VPS13B: variants seen among roughly 807,000 people sequenced by gnomAD.
VPS13B encodes the protein intermembrane lipid transfer protein VPS13B.
Under a neutral mutation model 426.4 loss-of-function variants are expected in VPS13B, and 285 were observed. That is an observed-to-expected ratio of 0.67 (90% CI 0.61 to 0.74). The LOEUF (loss-of-function observed/expected upper bound fraction) is 0.74, where lower values mean the gene tolerates loss of function less well. Ranked by LOEUF, VPS13B falls within the 30% of genes least tolerant of loss-of-function variation. VPS13B has a pLI of 0.00. For synonymous variants in VPS13B, 1,676 were observed against 1,676.4 expected (o/e 1.00, Z 0.01); for missense variants, 4,537 against 4,782.6 (o/e 0.95, Z 1.51).
intron 31 of VPS13B, among the ~76,000 whole-genome samples, chr8:99,566,168 T>A (rs1275761577): frequency 6.6e-6 from 1 of 152,146 alleles, no homozygotes; most frequent in African/African-American, 2.4e-5. Flanking sequence ...GGTGTAGATA[T>A]AACAGGGCAG....
At chr8:99,651,887 T>A (rs1235567064) in intron 34 of VPS13B, among the ~76,000 whole-genome samples, 2 of 152,268 alleles carry the variant, frequency 1.3e-5, no homozygotes, top group African/African-American at 4.8e-5. Flanking sequence ...TAGTGCAATA[T>A]CTTGTTACCC....
chr8:99,340,997 A>G, intron 19 of VPS13B: 1 of 262,134 alleles, frequency 3.8e-6, no homozygotes, highest in Non-Finnish European at 8.0e-6. Flanking sequence ...TTGAAAGAAA[A>G]CACTTAGCTG....
chr8:99,469,168 CTTTTTTTTT>C (rs35646881), intron 24 of VPS13B, among the ~76,000 whole-genome samples: 4 of 127,786 alleles, frequency 3.1e-5, no homozygotes, highest in African/African-American at 5.8e-5. Flanking sequence ...TCTTTCTTTC[CTTTTTTTTT>C]TTTTTTTTTT....
intron 33 of VPS13B, among the ~76,000 whole-genome samples, chr8:99,606,851 C>G (rs1043711565): frequency 2.0e-5 from 3 of 152,110 alleles, no homozygotes; most frequent in African/African-American, 7.2e-5. Context: ...CTTCCTTCAT[C>G]TTCGATGCCA....
intron 21 of VPS13B, among the ~76,000 whole-genome samples, chr8:99,430,701 C>T (rs1200823780): frequency 7.0e-6 from 1 of 143,608 alleles, no homozygotes; most frequent in Non-Finnish European, 1.5e-5. Context: ...CATCAAAATC[C>T]ACCCCCCCCC....
intron 30 of VPS13B, among the ~76,000 whole-genome samples, chr8:99,544,281 G>C (rs1823820113): frequency 6.6e-6 from 1 of 152,216 alleles, no homozygotes; most frequent in South Asian, 2.1e-4. Flanking sequence ...CTTGGACACA[G>C]GGTGGGGAAC....
intron 43 of VPS13B, among the ~76,000 whole-genome samples, chr8:99,787,435 A>C (rs1490867291): frequency 2.0e-5 from 3 of 152,210 alleles, no homozygotes; most frequent in African/African-American, 7.2e-5. Context: ...GCCTAAACAA[A>C]CAAAGGAAGA....
At position 99,835,542 on chromosome 8, in the gene VPS13B, T is replaced by C. The variant is rs1815346028; in HGVS notation, c.9746T>C (p.Ile3249Thr). The C allele has an allele frequency of 2.5e-6, 4 of 1,614,088 alleles. No homozygotes were observed. The highest frequency in any genetic ancestry group is 2.2e-5 in the East Asian group (1 of 44,882). ...KMLIKENIKDIPKFEVYCKKI... is the reference protein window; with the variant it reads ...KMLIKENIKDTPKFEVYCKKI... The stretch of plus-strand genomic sequence containing the variant: ...TATGCCTTTTTTAAAATTTCAGATA[T>C]TCCAAAGTTTGAGGTTTATTGCAAA... Residue 3249 changes from isoleucine (I) to threonine (T), a missense_variant, in exon 54 of 62, where the codon ATT (isoleucine) becomes ACT (threonine). Coordinates refer to ENST00000357162, the MANE Select transcript of VPS13B (RefSeq NM_152564.5).
intron 8 of VPS13B, among the ~76,000 whole-genome samples, chr8:99,127,419 T>C (rs1285293055): frequency 6.6e-6 from 1 of 152,212 alleles, no homozygotes; most frequent in Non-Finnish European, 1.5e-5. Flanking sequence ...CTCTTGATTT[T>C]TCTTTGCAGT....
intron 16 of VPS13B, among the ~76,000 whole-genome samples, chr8:99,189,471 T>C: frequency 6.6e-6 from 1 of 152,216 alleles, no homozygotes; most frequent in South Asian, 2.1e-4. Context: ...ATAATGATCA[T>C]TCAGAATCAG....
chr8:99,415,266 G>T (rs1282537208), intron 21 of VPS13B, among the ~76,000 whole-genome samples: 21 of 151,542 alleles, frequency 1.4e-4, no homozygotes. Flanking sequence ...TCTCCATCAG[G>T]TCATTTATGT....
intron 17 of VPS13B, among the ~76,000 whole-genome samples, chr8:99,230,685 C>T (rs984816017): frequency 6.6e-6 from 1 of 152,102 alleles, no homozygotes; most frequent in African/African-American, 2.4e-5. Flanking sequence ...GTAGAACTTG[C>T]TTTATAGAGT....
At chr8:99,832,764 C>T in intron 52 of VPS13B, 112 bp downstream of exon 52, 1 of 1,095,046 alleles carries the variant, frequency 9.1e-7, no homozygotes, top group Non-Finnish European at 1.3e-6. Context: ...TAATATTAGG[C>T]TTTATTTTTA....
chr8:99,792,822 T>C (rs1812617830), intron 43 of VPS13B, among the ~76,000 whole-genome samples: 1 of 152,138 alleles, frequency 6.6e-6, no homozygotes, highest in African/African-American at 2.4e-5. Context: ...AAGCTATACA[T>C]GGACTCTTGA....
In VPS13B at chr8:99,111,079, TG is replaced by T. The variant is rs1467641298; in HGVS notation, c.581-18del. On this transcript the variant is annotated intron_variant, in intron 5 of 61. Coordinates refer to ENST00000357162, the MANE Select transcript of VPS13B (RefSeq NM_152564.5). ...TGCTAATTTTCCTTTTTACTTAAAA[TG>T]TTTTTTTTTCTTTTTAGCAACTGAT... 1.9e-6 allele frequency: 3 copies of T among 1,592,662 alleles called. No individual in the cohort carries two copies. The highest frequency in any genetic ancestry group is 1.7e-5 in the Admixed American group (1 of 58,794).
intron 3 of VPS13B, among the ~76,000 whole-genome samples, chr8:99,087,497 GAACCCGGTACCTCAGTTGGA>G (rs1453201326): frequency 2.6e-5 from 4 of 151,882 alleles, no homozygotes; most frequent in Non-Finnish European, 5.9e-5. Flanking sequence ...CCAGTGAGAT[GAACCCGGTACCTCAGTTGGA>G]AATGCAGAAA....
At position 99,717,306 on chromosome 8, in the gene VPS13B, G is replaced by A. The variant is rs1832964511; in HGVS notation, c.6590G>A (p.Ser2197Asn). Reference protein sequence around the residue: ...ANLEAKWCKHSGNPGPEQSIP... With the variant: ...ANLEAKWCKHNGNPGPEQSIP... ...CTGGAAGCTAAGTGGTGTAAACACA[G>A]CGGGAATCCAGGCCCAGAACAATCC... Residue 2197 changes from serine to asparagine, a missense_variant, in exon 37 of 62, where the codon AGC (serine) becomes AAC (asparagine). Ser to Asn is a conservative substitution (Grantham distance 46). Around this residue, in one of 2 missense-constraint regions of VPS13B, gnomAD observed 4,311 missense variants for 4,474.3 expected, o/e 0.96. Coordinates refer to ENST00000357162, the MANE Select transcript of VPS13B (RefSeq NM_152564.5). The A allele has an allele frequency of 6.2e-7, 1 of 1,613,950 alleles. No homozygotes were observed. The highest frequency in any genetic ancestry group is 8.5e-7 in the Non-Finnish European group (1 of 1,179,982).
At chr8:99,532,636 CTA>C (rs1404159319) in intron 30 of VPS13B, among the ~76,000 whole-genome samples, 1 of 151,816 alleles carries the variant, frequency 6.6e-6, no homozygotes, top group African/African-American at 2.4e-5. Flanking sequence ...CTGTTTCTTA[CTA>C]TGAGTCTGAT....
At chr8:99,413,611 C>G (rs1283905644) in intron 21 of VPS13B, among the ~76,000 whole-genome samples, 1 of 151,950 alleles carries the variant, frequency 6.6e-6, no homozygotes, top group Non-Finnish European at 1.5e-5. Flanking sequence ...GCTGTATCCC[C>G]GAGATTCTGG....
Sources: gnomAD v4.1 joint callset for allele counts (sites outside exome capture counted in the v4.1 genomes callset) on GRCh38, gnomAD v4.1.1 for gene constraint, gnomAD v4.1.1 regional missense constraint, MANE v1.5 for transcripts, NCBI Gene and HGNC (gene_info 2026-07-23, HGNC 2026-07-21) for gene names.